KCNU1: variants seen among roughly 807,000 people sequenced by gnomAD.
The protein encoded by KCNU1 is potassium channel subfamily U member 1.
A neutral mutation model predicts 126.8 loss-of-function variants in KCNU1; 93 were observed. The observed-to-expected ratio is 0.73, with a 90% CI of 0.62 to 0.87. The LOEUF is 0.87. Ranked by LOEUF, KCNU1 falls within the 40% of genes least tolerant of loss-of-function variation. The pLI is 0.00. For missense variants in KCNU1, 1,330 were observed against 1,367.1 expected (o/e 0.97, Z 0.43); for synonymous variants, 523 against 494.2 (o/e 1.06, Z -0.77).
chr8:36,881,796 TCACACACACACACACACACACACACA>T (rs10522369), intron 19 of KCNU1, among the ~76,000 whole-genome samples: 2 of 138,844 alleles, frequency 1.4e-5, no homozygotes, highest in African/African-American at 2.7e-5. Context: ...AAAAGTCAAA[TCACACACACACACACACACACACACA>T]CACACACACA....
Position 36,903,572 on chromosome 8 carries a change from G to T in KCNU1, c.2010-2136G>T, listed in dbSNP as rs553311026. On this transcript the variant is annotated intron_variant, in intron 19 of 26. Coordinates refer to ENST00000399881, the MANE Select transcript of KCNU1 (RefSeq NM_001031836.3). ...TAAGTAAATAGTAAAAGCTTTTGTG[G>T]TCAGATAAGTTGTGAAACACTGGAT... Among the ~76,000 whole-genome samples, 11 of 152,220 alleles carry T rather than the reference G, an allele frequency of 7.2e-5. No individual in the cohort carries two copies. In the South Asian group the frequency reaches 1.9e-3, roughly 26 times the overall value.
intron 10 of KCNU1, among the ~76,000 whole-genome samples, chr8:36,830,107 ATCTT>A (rs929018342): frequency 2.0e-5 from 3 of 149,798 alleles, no homozygotes; most frequent in Non-Finnish European, 4.5e-5. Flanking sequence ...AATAAAATAA[ATCTT>A]TATTAATCCA....
At chr8:36,924,906 G>A (rs1243829661) in intron 24 of KCNU1, among the ~76,000 whole-genome samples, 1 of 152,174 alleles carries the variant, frequency 6.6e-6, no homozygotes, top group African/African-American at 2.4e-5. Context: ...TAGAGCCACA[G>A]ATTTTATTTA....
intron 24 of KCNU1, among the ~76,000 whole-genome samples, chr8:36,930,623 G>A (rs1299057328): frequency 1.3e-5 from 2 of 152,030 alleles, no homozygotes; most frequent in Non-Finnish European, 2.9e-5. Flanking sequence ...GGGTATCTGT[G>A]ACCTGACATG....
intron 19 of KCNU1, among the ~76,000 whole-genome samples, chr8:36,892,593 C>T (rs1807011273): frequency 6.7e-6 from 1 of 149,744 alleles, no homozygotes; most frequent in Non-Finnish European, 1.5e-5. Flanking sequence ...TATGACAACT[C>T]TACAAACTAT....
chr8:36,807,354 C>T, intron 5 of KCNU1, 21 bp from the exon 6 acceptor site: 1 of 1,601,466 alleles, frequency 6.2e-7, no homozygotes, highest in East Asian at 2.2e-5. Flanking sequence ...TGGCAGCTTT[C>T]TCCTTTCCAT....
intron 19 of KCNU1, among the ~76,000 whole-genome samples, chr8:36,888,327 G>A (rs957670351): frequency 6.6e-6 from 1 of 152,084 alleles, no homozygotes; most frequent in East Asian, 1.9e-4. Context: ...AAAATGCCTT[G>A]ATTGGCTCAC....
chr8:36,922,935 G>C (rs1423265568), intron 24 of KCNU1: 1 of 513,810 alleles, frequency 1.9e-6, no homozygotes, highest in Non-Finnish European at 3.8e-6. Context: ...CTTGGCATCA[G>C]AGCTCAGGAG....
intron 2 of KCNU1, among the ~76,000 whole-genome samples, chr8:36,800,106 A>C (rs1417253496): frequency 6.6e-6 from 1 of 152,100 alleles, no homozygotes; most frequent in African/African-American, 2.4e-5. Context: ...AAAATGCTGA[A>C]TCGTAACAGA....
At chr8:36,889,597 G>T (rs957061307) in intron 19 of KCNU1, among the ~76,000 whole-genome samples, 5 of 151,944 alleles carry the variant, frequency 3.3e-5, no homozygotes, top group African/African-American at 4.8e-5. Context: ...AGGGCATAAA[G>T]AAGAATACAA....
At chr8:36,799,212 G>A (rs1438913094) in intron 2 of KCNU1, among the ~76,000 whole-genome samples, 1 of 152,078 alleles carries the variant, frequency 6.6e-6, no homozygotes, top group Non-Finnish European at 1.5e-5. Flanking sequence ...GATTAGAAAG[G>A]AGAATTACAA....
chr8:36,922,871 G>A, intron 24 of KCNU1: 1 of 581,586 alleles, frequency 1.7e-6, no homozygotes. Flanking sequence ...CCTGATGCCA[G>A]GAAGAGTGAG....
chr8:36,870,378 C>T (rs142590398), intron 19 of KCNU1, among the ~76,000 whole-genome samples: 1 of 152,282 alleles, frequency 6.6e-6, no homozygotes, highest in African/African-American at 2.4e-5. Context: ...TTTTCATGCC[C>T]CCTCTGCCAT....
chr8:36,918,982 A>T, intron 23 of KCNU1, 85 bp downstream of exon 23: 1 of 886,728 alleles, frequency 1.1e-6, no homozygotes. Context: ...TAGAATGCAC[A>T]ATCACAGGAC....
chr8:36,827,204 C>G (rs1398353052), intron 10 of KCNU1, among the ~76,000 whole-genome samples: 1 of 152,200 alleles, frequency 6.6e-6, no homozygotes, highest in Non-Finnish European at 1.5e-5. Flanking sequence ...TCAGGACCAT[C>G]TAATCCAAGC....
At chr8:36,899,544 A>G (rs1305575687) in intron 19 of KCNU1, among the ~76,000 whole-genome samples, 3 of 152,072 alleles carry the variant, frequency 2.0e-5, no homozygotes, top group African/African-American at 7.2e-5. Flanking sequence ...TTTAAATCAT[A>G]CCTATTATCT....
At chr8:36,922,691 A>G (rs1010669) in intron 24 of KCNU1, 62 bp downstream of exon 24, 875,609 of 1,546,038 alleles carry the variant, frequency 0.57, 248,622 homozygotes, top group Admixed American at 0.64. Flanking sequence ...GTGAACAGGT[A>G]GTATAAGGCT....
At chr8:36,825,067 A>G (rs1248330479) in intron 10 of KCNU1, among the ~76,000 whole-genome samples, 4 of 152,216 alleles carry the variant, frequency 2.6e-5, no homozygotes, top group Non-Finnish European at 5.9e-5. Flanking sequence ...CCTTACCAGT[A>G]TCCCTGAGAG....
At chr8:36,808,880 G>A in intron 7 of KCNU1, 87 bp downstream of exon 7, 1 of 906,102 alleles carries the variant, frequency 1.1e-6, no homozygotes, top group Middle Eastern at 2.2e-4. Context: ...CTGAGCCCCT[G>A]TCTCCATCAC....
Sources: gnomAD v4.1 joint callset for allele counts (sites outside exome capture counted in the v4.1 genomes callset) on GRCh38, gnomAD v4.1.1 for gene constraint, MANE v1.5 for transcripts, NCBI Gene and HGNC (gene_info 2026-07-23, HGNC 2026-07-21) for gene names.